Variants in LAMA3 observed in about 807,000 individuals in gnomAD.
LAMA3 encodes laminin subunit alpha 3.
LAMA3 carries 281 observed loss-of-function variants against 402.0 expected under a neutral mutation model. The observed-to-expected ratio is 0.70, with a 90% CI of 0.63 to 0.77. The LOEUF (loss-of-function observed/expected upper bound fraction) is 0.77. LAMA3 is among the 30% of genes least tolerant of loss of function. LAMA3 has a pLI of 0.00. For missense variants in LAMA3, 3,840 were observed against 4,215.5 expected, an observed-to-expected ratio of 0.91 and a Z score of 2.47; for synonymous variants, 1,431 against 1,558.4, an observed-to-expected ratio of 0.92 and a Z score of 1.93.
At chr18:23,836,629 A>C (rs2063586557) in intron 24 of LAMA3, among the ~76,000 whole-genome samples, 1 of 152,140 alleles carries the variant, frequency 6.6e-6, no homozygotes, top group Admixed American at 6.5e-5. Context: ...CTAGCGGGTG[A>C]CTTTAATTGT....
intron 1 of LAMA3, among the ~76,000 whole-genome samples, chr18:23,708,448 G>A (rs1270519695): frequency 6.6e-6 from 1 of 152,084 alleles, no homozygotes; most frequent in African/African-American, 2.4e-5. Flanking sequence ...TTAATTTGGG[G>A]AGAATTGGTA....
intron 2 of LAMA3, among the ~76,000 whole-genome samples, chr18:23,718,801 C>T (rs931129268): frequency 1.3e-5 from 2 of 152,192 alleles, no homozygotes; most frequent in Non-Finnish European, 2.9e-5. Context: ...GGGCCTGCAT[C>T]TGACTTTGCT....
chr18:23,859,433 C>A (rs752989066), intron 34 of LAMA3, among the ~76,000 whole-genome samples: 2 of 152,218 alleles, frequency 1.3e-5, no homozygotes, highest in Non-Finnish European at 2.9e-5. Context: ...CTTCAGATGC[C>A]AGTTGCAAGT....
chr18:23,920,525 A>T (rs1027632251), intron 60 of LAMA3, among the ~76,000 whole-genome samples: 22 of 152,300 alleles, frequency 1.4e-4, no homozygotes, highest in African/African-American at 4.8e-4. Flanking sequence ...TGAGACAGAG[A>T]CATAAGAATC....
intron 2 of LAMA3, among the ~76,000 whole-genome samples, chr18:23,736,469 C>T (rs1347771427): frequency 6.6e-6 from 1 of 151,214 alleles, no homozygotes; most frequent in Non-Finnish European, 1.5e-5. Flanking sequence ...ATAATATTGC[C>T]TTGGGGGAAA....
rs986869855 is a variant in LAMA3, at chr18:23,842,472, C to T, written c.3414C>T (p.His1138=). 6.2e-7 allele frequency: 1 copy of T among 1,614,188 alleles called. No homozygotes were observed. Among genetic ancestry groups the T allele is most frequent in the African/African-American group, 1.3e-5 (1 of 75,040 alleles). ...TCATCCATTTTTACCAAGCAGCGCA[C>T]CCGACGTTTCCCGCGCAGGTGTCGG... ...VFVIHFYQAA[H]PTFPAQVSVD... is the part of the protein sequence containing the mutation. The change falls in exon 28 of 75, where the codon CAC becomes CAT. Residue 1138 remains histidine, a synonymous_variant. Transcript: ENST00000313654.
chr18:23,871,385 G>A, intron 37 of LAMA3, 46 bp from the exon 38 acceptor site: 1 of 1,544,116 alleles, frequency 6.5e-7, no homozygotes, highest in East Asian at 2.2e-5. Flanking sequence ...ACCCCTGGAA[G>A]TGAGCCTGCC....
At chr18:23,915,539 G>T (rs750851000) in intron 59 of LAMA3, 117 bp downstream of exon 59, 1 of 951,948 alleles carries the variant, frequency 1.1e-6, no homozygotes, top group Non-Finnish European at 1.7e-6. Context: ...AGTTGCTTTG[G>T]GCCAGTAGTT....
intron 2 of LAMA3, among the ~76,000 whole-genome samples, chr18:23,735,782 TG>T (rs751249246): frequency 3.8e-4 from 58 of 152,116 alleles, no homozygotes; most frequent in Non-Finnish European, 7.1e-4. Flanking sequence ...ATGGTGAGTG[TG>T]GAGTCTAGAG....
At chr18:23,775,666 T>A in intron 9 of LAMA3, 126 bp from the exon 10 acceptor site, 1 of 1,053,110 alleles carries the variant, frequency 9.5e-7, no homozygotes, top group Non-Finnish European at 1.4e-6. Context: ...AAATAGGCTG[T>A]GCCCTTTCAA....
rs568126988 is a variant in LAMA3 at position 23,761,485 on chromosome 18, G to A, written c.1064-1920G>A. Among the ~76,000 whole-genome samples, 14 of 152,304 alleles carry A rather than the reference G, an allele frequency of 9.2e-5. No individual in the cohort carries two copies. The South Asian group carries it at 2.7e-3, about 29-fold the overall frequency. On this transcript the variant is annotated intron_variant, in intron 7 of 74. Transcript: ENST00000313654. ...CTCTTCTAGTTATAAGCTATGTAAC[G>A]ATGGGCATATTCCTCAACCTAAGCC... is the stretch of plus-strand genomic sequence containing the variant.
Position 23,921,451 on chromosome 18 carries a change from G to T in LAMA3, c.8044-1G>T, listed in dbSNP as rs141789403. 3 of 1,612,528 alleles carry T rather than the reference G, an allele frequency of 1.9e-6. No homozygotes were observed. Among genetic ancestry groups the T allele is most frequent in the Non-Finnish European group, 2.5e-6 (3 of 1,179,566 alleles). ...GCTGATTCATCTCTCATTTATTTCA[G>T]ATTCAGATCAAAATTGGAAAACTCC... On this transcript the variant is annotated splice_acceptor_variant, in intron 61 of 74. Transcript: ENST00000313654. LOFTEE classifies it high-confidence loss of function.
At chr18:23,826,288 C>T (rs528621336) in intron 21 of LAMA3, among the ~76,000 whole-genome samples, 43 of 152,300 alleles carry the variant, frequency 2.8e-4, no homozygotes, top group African/African-American at 7.5e-4. Context: ...CTTTTTATAC[C>T]GTGCCAGTTG....
At chr18:23,886,200 T>C (rs1000909715) in intron 41 of LAMA3, among the ~76,000 whole-genome samples, 3 of 152,226 alleles carry the variant, frequency 2.0e-5, no homozygotes, top group Non-Finnish European at 4.4e-5. Context: ...AAGTGGATTC[T>C]TTGGGTCAGA....
chr18:23,933,915 A>G lies in LAMA3; in HGVS notation c.8842A>G (p.Lys2948Glu). The change falls in exon 67 of 75, where the codon AAG becomes GAG. Residue 2948 changes from lysine (K) to glutamate (E), a missense_variant. By Grantham distance (56) the Lys-to-Glu change is moderately conservative. Around this residue, in one of 3 missense-constraint regions of LAMA3, gnomAD observed 840 missense variants for 981.9 expected, o/e 0.86. Coordinates refer to ENST00000313654, the MANE Select transcript of LAMA3 (RefSeq NM_198129.4). Reference sequence around the variant, plus strand: ...AGGTTCTACCAGGTTTAACAAGACCAAGACTTTTCGTATCAACCAGGTAAG... The same window carrying G: ...AGGTTCTACCAGGTTTAACAAGACCGAGACTTTTCGTATCAACCAGGTAAG... ...LKGSTRFNKT[K>E]TFRINQLLQD... 1 of 1,614,174 alleles carries G rather than the reference A, an allele frequency of 6.2e-7. No homozygotes were observed.
chr18:23,932,446 A>G (rs2082190550), intron 66 of LAMA3, 155 bp downstream of exon 66: 3 of 802,408 alleles, frequency 3.7e-6, no homozygotes, highest in East Asian at 2.8e-5. Flanking sequence ...GGCAAGATAC[A>G]CCCATTAAAA....
intron 4 of LAMA3, 116 bp from the exon 5 acceptor site, chr18:23,750,802 T>A: frequency 1.8e-6 from 2 of 1,081,482 alleles, no homozygotes; most frequent in South Asian, 2.6e-5. Flanking sequence ...CCTACGAATA[T>A]CAAATGGCTC....
intron 23 of LAMA3, 140 bp downstream of exon 23, chr18:23,827,607 A>C: frequency 1.0e-6 from 1 of 970,682 alleles, no homozygotes; most frequent in Non-Finnish European, 1.5e-6. Flanking sequence ...CATTTGCTGA[A>C]CTATCTGATT....
Position 23,909,224 on chromosome 18 carries a change from T to C in LAMA3, c.7087T>C (p.Leu2363=). ...AAGTATCAACCAACAGCTGTTGCCC[T>C]TGGGAAACATCTCTGACAACATGGA... is the stretch of plus-strand genomic sequence containing the variant. ...IESINQQLLP[L]GNISDNMDRI... Residue 2363 remains leucine, a synonymous_variant, in exon 55 of 75, where the codon TTG becomes CTG. Transcript: ENST00000313654. 1 of 1,613,686 alleles carries C rather than the reference T, an allele frequency of 6.2e-7. No individual in the cohort carries two copies. The highest frequency in any genetic ancestry group is 8.5e-7 in the Non-Finnish European group (1 of 1,179,688).
Sources: allele counts gnomAD v4.1 joint callset (sites outside exome capture counted in the v4.1 genomes callset), GRCh38; gene constraint gnomAD v4.1.1; regional missense constraint gnomAD v4.1.1; transcripts MANE v1.5; gene names NCBI Gene and HGNC (gene_info 2026-07-23, HGNC 2026-07-21).